Variants in DBR1 observed in about 807,000 individuals in gnomAD.
DBR1 encodes the protein debranching RNA lariats 1, also known as lariat debranching enzyme.
Under a neutral mutation model 45.9 loss-of-function variants are expected in DBR1, and 33 were observed. The ratio of observed to expected loss-of-function variants is 0.72; its 90% confidence interval spans 0.55 to 0.96. DBR1 has a LOEUF of 0.96. DBR1 is among the 40% of genes least tolerant of loss of function. DBR1 has a pLI of 0.00. For missense variants in DBR1, 619 were observed against 667.4 expected (o/e 0.93, Z 0.80); for synonymous variants, 235 against 235.9 (o/e 1.00, Z 0.04).
At chr3:138,172,016 C>G (rs1342308164) in intron 2 of DBR1, among the ~76,000 whole-genome samples, 1 of 152,070 alleles carries the variant, frequency 6.6e-6, no homozygotes, top group African/African-American at 2.4e-5. Flanking sequence ...ACTGAATACA[C>G]GGGTGAGGTA....
At chr3:138,163,610 A>T in intron 6 of DBR1, 116 bp from the exon 7 acceptor site, 1 of 729,954 alleles carries the variant, frequency 1.4e-6, no homozygotes, top group Non-Finnish European at 1.9e-6. Flanking sequence ...CAATTATTTA[A>T]TTTTAAATCA....
chr3:138,167,244 C>T lies in DBR1; in HGVS notation c.551G>A (p.Gly184Glu). 1 of 1,613,676 alleles carries T rather than the reference C, an allele frequency of 6.2e-7. No homozygotes were observed. Among genetic ancestry groups the T allele is most frequent in the Non-Finnish European group, 8.5e-7 (1 of 1,179,880 alleles). Reference sequence around the variant, plus strand: ...AGTCTTAAGAAGTTGCTTCTTATTTCCATAATGATATATACTTCTTGGCCA... The same window carrying T: ...AGTCTTAAGAAGTTGCTTCTTATTTTCATAATGATATATACTTCTTGGCCA... ...HDWPRSIYHY[G>E]NKKQLLKTKS... The change falls in exon 5 of 8, where the codon GGA (glycine) becomes GAA (glutamate). Residue 184 changes from glycine (G) to glutamate (E), a missense_variant. By Grantham distance (98) the Gly-to-Glu change is moderately conservative. Coordinates refer to ENST00000260803, the MANE Select transcript of DBR1 (RefSeq NM_016216.4).
rs6810238 is a variant in DBR1, at chr3:138,164,058, C to G, written c.715-200G>C. On this transcript the variant is annotated intron_variant, in intron 5 of 7. Transcript: ENST00000260803. ...AAGAGAAGGCATTTAACTTCTCAGA[C>G]CTTCAATTTCCATACAAAATTCAAG... The G allele has an allele frequency of 2.6e-3, 1,031 of 391,392 alleles. 8 individuals are homozygous for G. Among genetic ancestry groups the G allele is most frequent in the African/African-American group, 0.019 (934 of 48,824 alleles). The allele number at this position is 391,392 out of a possible 1,614,324, so 24.2% of individuals were successfully genotyped here.
At chr3:138,164,456 A>T (rs1184417571) in intron 5 of DBR1, among the ~76,000 whole-genome samples, 5 of 152,210 alleles carry the variant, frequency 3.3e-5, no homozygotes. Flanking sequence ...AGGAAAGGCA[A>T]ATCTATAGAA....
chr3:138,163,797 G>A lies in DBR1; in HGVS notation c.776C>T (p.Pro259Leu). 1 of 1,612,044 alleles carries A rather than the reference G, an allele frequency of 6.2e-7. No individual in the cohort carries two copies. The highest frequency in any genetic ancestry group is 1.1e-5 in the South Asian group (1 of 90,908). The change falls in exon 6 of 8, where the codon CCA becomes CTA. Residue 259 changes from proline (P) to leucine (L), a missense_variant. Pro to Leu is a moderately conservative substitution (Grantham distance 98). Around this residue, in one of 3 missense-constraint regions of DBR1, gnomAD observed 430 missense variants for 447.7 expected, o/e 0.96. Coordinates refer to ENST00000260803, the MANE Select transcript of DBR1 (RefSeq NM_016216.4). Reference protein sequence around the residue: ...TKFLALDKCLPHRDFLQILEI... With the variant: ...TKFLALDKCLLHRDFLQILEI... Reference sequence around the variant, plus strand: ...TCTTACCTGAAGAAAATCTCTATGTGGTAAGCATTTGTCCAAGGCTAAAAA... The same window carrying A: ...TCTTACCTGAAGAAAATCTCTATGTAGTAAGCATTTGTCCAAGGCTAAAAA...
intron 5 of DBR1, chr3:138,164,083 G>A: frequency 1.7e-5 from 6 of 353,542 alleles, no homozygotes; most frequent in South Asian, 1.4e-4. Context: ...CAAAATTCAA[G>A]GCAAAAACTA....
At chr3:138,168,722 C>T (rs1205330411) in intron 4 of DBR1, among the ~76,000 whole-genome samples, 3 of 151,838 alleles carry the variant, frequency 2.0e-5, no homozygotes, top group Non-Finnish European at 4.4e-5. Flanking sequence ...TTTCGGAGGC[C>T]AAGGCAGAAG....
rs746368910 is a variant in DBR1 at position 138,162,281 on chromosome 3, T to A, written c.1243A>T (p.Asn415Tyr). 2 of 1,614,206 alleles carry A rather than the reference T, an allele frequency of 1.2e-6. No homozygotes were observed. Among genetic ancestry groups the A allele is most frequent in the South Asian group, 2.2e-5 (2 of 91,086 alleles). The change falls in exon 8 of 8, where the codon AAT (asparagine) becomes TAT (tyrosine). Residue 415 changes from asparagine to tyrosine, a missense_variant. Asn to Tyr is a moderately radical substitution (Grantham distance 143). Transcript: ENST00000260803. The part of the protein sequence containing the change: ...NDSGEDQSEY[N>Y]TDTSALSSIN... The stretch of plus-strand genomic sequence containing the variant: ...GAAGACAGAGCAGATGTGTCTGTAT[T>A]ATATTCACTCTGGTCTTCTCCAGAG...
chr3:138,167,180 T>A lies in DBR1; in HGVS notation c.615A>T (p.Leu205Phe). Residue 205 changes from leucine (L) to phenylalanine (F), a missense_variant, in exon 5 of 8, where the codon TTA becomes TTT. Leu to Phe is a conservative substitution (Grantham distance 22). This residue lies in a region of DBR1 where 430 missense variants were observed against 447.7 expected (regional missense o/e 0.96). Coordinates refer to ENST00000260803, the MANE Select transcript of DBR1 (RefSeq NM_016216.4). ...FFRQEVENNTLGSPAASELLE... is the reference protein window; with the variant it reads ...FFRQEVENNTFGSPAASELLE... Reference sequence around the variant, plus strand: ...AAAGCTCTGAGGCAGCTGGACTTCCTAATGTGTTATTTTCCACTTCTTGTC... The same window carrying A: ...AAAGCTCTGAGGCAGCTGGACTTCCAAATGTGTTATTTTCCACTTCTTGTC... The A allele has an allele frequency of 6.2e-7, 1 of 1,614,190 alleles. No individual in the cohort carries two copies. Among genetic ancestry groups the A allele is most frequent in the South Asian group, 1.1e-5 (1 of 91,070 alleles).
chr3:138,165,160 G>GA lies in DBR1; in HGVS notation c.715-1303dup, dbSNP rs534568287. Reference sequence around the variant, plus strand: ...ATCTTGTTCCAGCTTCATCATGGAGGAAAAAACACAAGGAAGCAAACTATG... The same window carrying GA: ...ATCTTGTTCCAGCTTCATCATGGAGGAAAAAAACACAAGGAAGCAAACTATG... On this transcript the variant is annotated intron_variant, in intron 5 of 7. Coordinates refer to ENST00000260803, the MANE Select transcript of DBR1 (RefSeq NM_016216.4). 2.2e-3 allele frequency among the ~76,000 whole-genome samples: 330 copies of GA among 152,134 alleles called. 2 individuals are homozygous for GA. The highest frequency in any genetic ancestry group is 7.7e-3 in the African/African-American group (319 of 41,522).
intron 4 of DBR1, among the ~76,000 whole-genome samples, chr3:138,167,765 G>A (rs2042937160): frequency 6.6e-6 from 1 of 152,134 alleles, no homozygotes; most frequent in Admixed American, 6.5e-5. Flanking sequence ...CACCAACATG[G>A]TGAAACCCCA....
intron 7 of DBR1, 90 bp downstream of exon 7, chr3:138,163,259 C>A: frequency 7.4e-7 from 1 of 1,355,620 alleles, no homozygotes; most frequent in Non-Finnish European, 1.0e-6. Context: ...AGAGCTAGAC[C>A]CTGTTTCAAA....
In DBR1 at chr3:138,174,641, A is replaced by G. The variant is rs1168590207; in HGVS notation, c.155T>C (p.Met52Thr). 2.7e-6 allele frequency: 4 copies of G among 1,506,086 alleles called. No homozygotes were observed. Among genetic ancestry groups the G allele is most frequent in the Admixed American group, 3.5e-5 (2 of 56,442 alleles). The allele number at this position is 1,506,086 out of a possible 1,614,324, so 93.3% of individuals were successfully genotyped here. A position where few individuals can be genotyped will look rare whatever the true frequency, so the allele number is the denominator to read the frequency against. ...GTGACGATACTTGGGCGGCACGGCC[A>G]TGCAGCGTAGATCCGCCTCGTTGCG... ...AVRNEADLRC[M>T]AVPPKYRHMQ... Residue 52 changes from methionine to threonine, a missense_variant, in exon 1 of 8, where the codon ATG becomes ACG. This residue lies in a region of DBR1 where 430 missense variants were observed against 447.7 expected (regional missense o/e 0.96). Coordinates refer to ENST00000260803, the MANE Select transcript of DBR1 (RefSeq NM_016216.4).
chr3:138,163,493 A>G lies in DBR1; in HGVS notation c.797T>C (p.Ile266Thr). Reference sequence around the variant, plus strand: ...ACTGGGGTCATGTTCTATCTCTAATATCTACAGGATGAAATCAATGTTAAG... The same window carrying G: ...ACTGGGGTCATGTTCTATCTCTAATGTCTACAGGATGAAATCAATGTTAAG... ...KCLPHRDFLQ[I>T]LEIEHDPSAP... is the part of the protein sequence containing the mutation. The change falls in exon 7 of 8, where the codon ATA (isoleucine) becomes ACA (threonine). Residue 266 changes from isoleucine to threonine, a missense_variant and splice_region_variant. This residue lies in a region of DBR1 where 430 missense variants were observed against 447.7 expected (regional missense o/e 0.96). Coordinates refer to ENST00000260803, the MANE Select transcript of DBR1 (RefSeq NM_016216.4). 2 of 1,575,934 alleles carry G rather than the reference A, an allele frequency of 1.3e-6. No homozygotes were observed. The highest frequency in any genetic ancestry group is 2.3e-5 in the East Asian group (1 of 44,434).
rs866465892 is a variant in DBR1, at chr3:138,161,778, G to A, written c.*111C>T. 145 of 833,656 alleles carry A rather than the reference G, an allele frequency of 1.7e-4. No individual in the cohort carries two copies. Among genetic ancestry groups the A allele is most frequent in the Middle Eastern group, 5.3e-4 (2 of 3,744 alleles). The allele number at this position is 833,656 out of a possible 1,614,324, so 51.6% of individuals were successfully genotyped here. On this transcript the variant is annotated 3_prime_UTR_variant, in exon 8 of 8. Transcript: ENST00000260803. ...GGAGAATTGCTTGAACCTGGGAGGC[G>A]GAGGTTGCGGTGAGCCGAGATCACG...
chr3:138,163,890 A>T, intron 5 of DBR1, 32 bp from the exon 6 acceptor site: 1 of 1,499,962 alleles, frequency 6.7e-7, no homozygotes, highest in Non-Finnish European at 9.3e-7. Context: ...TTAAGAAAGA[A>T]TGTTAAAACA....
At position 138,174,858 on chromosome 3, in the gene DBR1, G is replaced by A. The variant is rs958643808; in HGVS notation, c.-63C>T. 1.4e-5 allele frequency: 21 copies of A among 1,513,494 alleles called. No individual in the cohort carries two copies. The highest frequency in any genetic ancestry group is 1.8e-5 in the Non-Finnish European group (20 of 1,115,836). 93.8% of individuals were successfully genotyped at this position (1,513,494 alleles called of 1,614,324 possible). A position where few individuals can be genotyped will look rare whatever the true frequency, so the allele number is the denominator to read the frequency against. ...CCTACACCACAGCCAGCCCAGGACCGACTGATCGCTCAGCTCCCGCCAACT... is the reference window on the plus strand; with the variant it reads ...CCTACACCACAGCCAGCCCAGGACCAACTGATCGCTCAGCTCCCGCCAACT... On this transcript the variant is annotated 5_prime_UTR_variant, in exon 1 of 8. Transcript: ENST00000260803.
At chr3:138,167,470 G>A (rs1173801114) in intron 4 of DBR1, among the ~76,000 whole-genome samples, 165 bp from the exon 5 acceptor site, 1 of 151,950 alleles carries the variant, frequency 6.6e-6, no homozygotes, top group Non-Finnish European at 1.5e-5. Flanking sequence ...AAAATACTAG[G>A]CAACTCATTC....
At position 138,174,801 on chromosome 3, in the gene DBR1, C is replaced by T. The variant is rs1324317577; in HGVS notation, c.-6G>A. 5 of 1,609,498 alleles carry T rather than the reference C, an allele frequency of 3.1e-6. No individual in the cohort carries two copies. The highest frequency in any genetic ancestry group is 2.2e-5 in the South Asian group (2 of 90,418). The stretch of plus-strand genomic sequence containing the variant: ...CCAGCCACAGCCACCCGCATTCTGC[C>T]GGCCTGAGGAGGTGAGCGCTGCCTG... On this transcript the variant is annotated 5_prime_UTR_variant, in exon 1 of 8. Coordinates refer to ENST00000260803, the MANE Select transcript of DBR1 (RefSeq NM_016216.4).
Sources: allele counts gnomAD v4.1 joint callset (sites outside exome capture counted in the v4.1 genomes callset), GRCh38; gene constraint gnomAD v4.1.1; regional missense constraint gnomAD v4.1.1; transcripts MANE v1.5; gene names NCBI Gene and HGNC (gene_info 2026-07-23, HGNC 2026-07-21).